The following SMTNL2 variants were observed in gnomAD, a reference collection of about 807,000 sequenced individuals.
SMTNL2 encodes the protein smoothelin-like protein 2.
SMTNL2 carries 43 observed loss-of-function variants against 44.1 expected under a neutral mutation model. The ratio of observed to expected loss-of-function variants is 0.98; its 90% confidence interval spans 0.76 to 1.26. The LOEUF is 1.26. Among genes scored for constraint, SMTNL2 ranks in the 50% most tolerant of loss-of-function variants. SMTNL2 has a pLI of 0.00. For missense variants in SMTNL2, 646 were observed against 670.2 expected (o/e 0.96, Z 0.40); for synonymous variants, 317 against 287.6 (o/e 1.10, Z -1.03).
Position 4,592,279 on chromosome 17 carries a change from G to T in SMTNL2, c.400-82G>T. The T allele has an allele frequency of 2.3e-6, 3 of 1,328,970 alleles. No individual in the cohort carries two copies. Among genetic ancestry groups the T allele is most frequent in the Non-Finnish European group, 3.2e-6 (3 of 932,928 alleles). 82.3% of individuals were successfully genotyped at this position (1,328,970 alleles called of 1,614,324 possible). A position where few individuals can be genotyped will look rare whatever the true frequency, so the allele number is the denominator to read the frequency against. On this transcript the variant is annotated intron_variant, in intron 1 of 7. Coordinates refer to ENST00000389313, the MANE Select transcript of SMTNL2 (RefSeq NM_001114974.2). This position sits in a 1 kb window ranked among gnomAD's most constrained non-coding sequence, Gnocchi z 4.5. The stretch of plus-strand genomic sequence containing the variant: ...TGATTGGTGTTTTGCCAGAACGGGA[G>T]GGGATTTGGGGGTGGGCAGCTTTTG...
intron 7 of SMTNL2, among the ~76,000 whole-genome samples, chr17:4,606,828 C>G (rs1003768773): frequency 8.5e-5 from 13 of 152,102 alleles, no homozygotes; most frequent in Admixed American, 8.5e-4. Context: ...GAGAATCACT[C>G]GAACCCGGGA....
At chr17:4,585,172 G>A (rs1017099491) in intron 1 of SMTNL2, among the ~76,000 whole-genome samples, 168 bp downstream of exon 1, 6 of 152,246 alleles carry the variant, frequency 3.9e-5, no homozygotes, top group African/African-American at 1.4e-4. Flanking sequence ...AGTTGGAGAG[G>A]GCGGGGGGAG....
At chr17:4,586,033 G>T (rs1909335283) in intron 1 of SMTNL2, among the ~76,000 whole-genome samples, 1 of 152,182 alleles carries the variant, frequency 6.6e-6, no homozygotes, top group African/African-American at 2.4e-5. Context: ...GCAAGGCTTT[G>T]TGCTGGGGGC....
At chr17:4,590,225 C>T (rs1479305614) in intron 1 of SMTNL2, among the ~76,000 whole-genome samples, 1 of 151,994 alleles carries the variant, frequency 6.6e-6, no homozygotes, top group Non-Finnish European at 1.5e-5. Flanking sequence ...CCTCGGCCTC[C>T]CAAAGTGCTA....
Position 4,595,341 on chromosome 17 carries a change from C to T in SMTNL2, c.989+14C>T. On this transcript the variant is annotated intron_variant, in intron 5 of 7. Coordinates refer to ENST00000389313, the MANE Select transcript of SMTNL2 (RefSeq NM_001114974.2). This position sits in a 1 kb window ranked among gnomAD's most constrained non-coding sequence, Gnocchi z 5.1. ...GGCGGCCGGCAAGTACGGATGCCCACTCACAGACAGGCCCGGCCCCACGGT... is the reference window on the plus strand; with the variant it reads ...GGCGGCCGGCAAGTACGGATGCCCATTCACAGACAGGCCCGGCCCCACGGT... The T allele has an allele frequency of 1.2e-6, 2 of 1,609,950 alleles. No homozygotes were observed. The highest frequency in any genetic ancestry group is 1.1e-5 in the South Asian group (1 of 90,822).
chr17:4,585,607 C>T (rs1909315721), intron 1 of SMTNL2, among the ~76,000 whole-genome samples: 1 of 152,230 alleles, frequency 6.6e-6, no homozygotes, highest in African/African-American at 2.4e-5. Flanking sequence ...GTCTAGATTC[C>T]TCGGGTCAGT....
chr17:4,595,756 A>T lies in SMTNL2; in HGVS notation c.989+429A>T, dbSNP rs1349937356. On this transcript the variant is annotated intron_variant, in intron 5 of 7. Coordinates refer to ENST00000389313, the MANE Select transcript of SMTNL2 (RefSeq NM_001114974.2). The surrounding 1 kb of genome is among the most constrained non-coding windows in gnomAD (Gnocchi z 5.1). ...CCCAGCATGGGGTTGGTCTTGCCCAAGGACCGAAGGTGATGCCACGGGGCC... is the reference window on the plus strand; with the variant it reads ...CCCAGCATGGGGTTGGTCTTGCCCATGGACCGAAGGTGATGCCACGGGGCC... 5.3e-5 allele frequency among the ~76,000 whole-genome samples: 8 copies of T among 152,230 alleles called. No homozygotes were observed. Among genetic ancestry groups the T allele is most frequent in the African/African-American group, 1.9e-4 (8 of 41,468 alleles).
chr17:4,589,938 C>CTTTTTTTTTTTTTTTTTTTTTTTTTT (rs780984262), intron 1 of SMTNL2, among the ~76,000 whole-genome samples: 1 of 59,792 alleles, frequency 1.7e-5, no homozygotes, highest in Non-Finnish European at 3.0e-5. Context: ...ACGCACCTGG[C>CTTTTTTTTTTTTTTTTTTTTTTTTTT]TTTTTTTTTT....
chr17:4,590,015 G>A (rs1909508545), intron 1 of SMTNL2, among the ~76,000 whole-genome samples: 1 of 120,180 alleles, frequency 8.3e-6, no homozygotes, highest in Non-Finnish European at 1.6e-5. Context: ...TGCTCAGGCT[G>A]GAGTGCAGTG....
intron 5 of SMTNL2, among the ~76,000 whole-genome samples, chr17:4,596,156 G>T (rs3931201): frequency 0.18 from 24,364 of 135,332 alleles, 705 homozygotes; most frequent in Middle Eastern, 0.25. Flanking sequence ...CCCAAGCGTG[G>T]TATTGATGCC....
chr17:4,594,313 G>A (rs940868794), intron 4 of SMTNL2, among the ~76,000 whole-genome samples: 2 of 152,136 alleles, frequency 1.3e-5, no homozygotes, highest in Non-Finnish European at 1.5e-5. Context: ...GCTGGGCATG[G>A]TGGTGGGTGC....
chr17:4,606,166 G>GA (rs1382384300), intron 7 of SMTNL2, among the ~76,000 whole-genome samples: 7 of 152,034 alleles, frequency 4.6e-5, no homozygotes, highest in Non-Finnish European at 1.0e-4. Context: ...TCTGCCCCCA[G>GA]GCTGGAGTGC....
chr17:4,596,989 C>T lies in SMTNL2; in HGVS notation c.1107+12C>T. On this transcript the variant is annotated intron_variant, in intron 6 of 7. Transcript: ENST00000389313. ...CGCTGGGCTACCAGGTGAGCCCCGG[C>T]TCCCCTCCGGCTGCTGGGACGCCCC... The T allele has an allele frequency of 1.3e-6, 2 of 1,491,606 alleles. No individual in the cohort carries two copies. The highest frequency in any genetic ancestry group is 1.8e-6 in the Non-Finnish European group (2 of 1,114,076). 92.4% of individuals were successfully genotyped at this position (1,491,606 alleles called of 1,614,324 possible).
At chr17:4,599,665 CA>C (rs1300540490) in intron 7 of SMTNL2, among the ~76,000 whole-genome samples, 1 of 152,068 alleles carries the variant, frequency 6.6e-6, no homozygotes, top group Non-Finnish European at 1.5e-5. Context: ...TGCCCCGGGC[CA>C]TGGGGTGGTG....
intron 1 of SMTNL2, among the ~76,000 whole-genome samples, chr17:4,585,714 G>A (rs1909320715): frequency 6.6e-6 from 1 of 152,240 alleles, no homozygotes; most frequent in African/African-American, 2.4e-5. Flanking sequence ...GTTAGAATGT[G>A]TCCATGGTGT....
intron 5 of SMTNL2, among the ~76,000 whole-genome samples, chr17:4,596,196 G>A (rs112184989): frequency 7.1e-6 from 1 of 140,406 alleles, no homozygotes; most frequent in Non-Finnish European, 1.5e-5. Flanking sequence ...CCCAAGCGTG[G>A]TATTGATGCC....
chr17:4,600,487 C>T lies in SMTNL2; in HGVS notation c.1259+3164C>T, dbSNP rs1026293096. ...TTGCGTGAGGAATGAAGCATTTCCC[C>T]GAGCAAGTGCCTTAAAGGCACAAGG... On this transcript the variant is annotated intron_variant, in intron 7 of 7. Coordinates refer to ENST00000389313, the MANE Select transcript of SMTNL2 (RefSeq NM_001114974.2). The surrounding 1 kb of genome is among the most constrained non-coding windows in gnomAD (Gnocchi z 4.7). Among the ~76,000 whole-genome samples, 6 of 152,142 alleles carry T rather than the reference C, an allele frequency of 3.9e-5. No homozygotes were observed. Among genetic ancestry groups the T allele is most frequent in the Non-Finnish European group, 5.9e-5 (4 of 68,022 alleles).
rs201888608 is a variant in SMTNL2, at chr17:4,595,246, C to T, written c.908C>T (p.Ser303Leu). Residue 303 changes from serine to leucine, a missense_variant, in exon 5 of 8, where the codon TCG becomes TTG. Transcript: ENST00000389313. This position sits in a 1 kb window ranked among gnomAD's most constrained non-coding sequence, Gnocchi z 5.1. ...QGERRRELVRSQTLPRTSEAQ... is the reference protein window; with the variant it reads ...QGERRRELVRLQTLPRTSEAQ... Reference sequence around the variant, plus strand: ...GAGCGTCGCAGGGAGCTGGTGAGGTCGCAGACGCTGCCCCGCACCTCGGAG... The same window carrying T: ...GAGCGTCGCAGGGAGCTGGTGAGGTTGCAGACGCTGCCCCGCACCTCGGAG... 3.0e-5 allele frequency: 49 copies of T among 1,613,224 alleles called. No individual in the cohort carries two copies. Among genetic ancestry groups the T allele is most frequent in the Admixed American group, 6.7e-5 (4 of 60,022 alleles).
chr17:4,586,461 A>T (rs79153798), intron 1 of SMTNL2, among the ~76,000 whole-genome samples: 3 of 133,622 alleles, frequency 2.2e-5, no homozygotes, highest in African/African-American at 1.0e-4. Flanking sequence ...GTCCAAATTA[A>T]AAAAAAAAAT....
Sources: gnomAD v4.1 joint callset for allele counts (sites outside exome capture counted in the v4.1 genomes callset) on GRCh38, gnomAD v4.1.1 for gene constraint, Gnocchi (gnomAD v3.1) non-coding constraint, MANE v1.5 for transcripts, NCBI Gene and HGNC (gene_info 2026-07-23, HGNC 2026-07-21) for gene names.